Variants in DYNC1H1 observed in about 807,000 individuals in gnomAD.
DYNC1H1 encodes dynein cytoplasmic 1 heavy chain 1, also known as cytoplasmic dynein 1 heavy chain 1.
A neutral mutation model predicts 527.1 loss-of-function variants in DYNC1H1; 51 were observed. That is an observed-to-expected ratio of 0.10 (90% CI 0.08 to 0.12). The LOEUF is 0.12. DYNC1H1 is among the 10% of genes least tolerant of loss of function. The pLI is 1.00. For missense variants in DYNC1H1, 2,771 were observed against 5,971.8 expected (o/e 0.46, Z 17.66); for synonymous variants, 2,189 against 2,278.8 (o/e 0.96, Z 1.12).
At position 102,011,203 on chromosome 14, in the gene DYNC1H1, A is replaced by G. The variant is rs143190082; in HGVS notation, c.6618+251A>G. The G allele has an allele frequency of 2.3e-3, 1,206 of 534,916 alleles. 16 individuals carry two copies. The highest frequency in any genetic ancestry group is 0.02 in the African/African-American group (1,075 of 52,706). 33.1% of individuals were successfully genotyped at this position (534,916 alleles called of 1,614,324 possible). A position where few individuals can be genotyped will look rare whatever the true frequency, so the allele number is the denominator to read the frequency against. ...TTCTGAAAATGCTAAGTGCATGACT[A>G]TATTGGAAAGTTGTTTATACTGATA... On this transcript the variant is annotated intron_variant, in intron 32 of 77. Transcript: ENST00000360184. This position sits in a 1 kb window ranked among gnomAD's most constrained non-coding sequence, Gnocchi z 5.3.
In DYNC1H1 at chr14:102,002,426, TG is replaced by T. The variant is rs1304213943; in HGVS notation, c.4543-110del. The T allele has an allele frequency of 4.8e-5, 70 of 1,444,684 alleles. No homozygotes were observed. Among genetic ancestry groups the T allele is most frequent in the Non-Finnish European group, 6.0e-5 (62 of 1,032,226 alleles). The allele number at this position is 1,444,684 out of a possible 1,614,324, so 89.5% of individuals were successfully genotyped here. ...ACACCCGTCTACTTGTTGTTTAAAA[TG>T]TGAATCAGATTACTTCATGAGATCC... On this transcript the variant is annotated intron_variant, in intron 21 of 77. Transcript: ENST00000360184. This position sits in a 1 kb window ranked among gnomAD's most constrained non-coding sequence, Gnocchi z 4.4.
chr14:102,016,291 G>A lies in DYNC1H1; in HGVS notation c.7474-58G>A. 6.2e-7 allele frequency: 1 copy of A among 1,604,914 alleles called. No homozygotes were observed. The highest frequency in any genetic ancestry group is 8.5e-7 in the Non-Finnish European group (1 of 1,174,440). The stretch of plus-strand genomic sequence containing the variant: ...TCTTTAGGTTAACTTTGCTGTAAGT[G>A]TCTTTCTTTTGTTGTTGAAATTTTA... On this transcript the variant is annotated intron_variant, in intron 36 of 77. Transcript: ENST00000360184. The surrounding 1 kb of genome is among the most constrained non-coding windows in gnomAD (Gnocchi z 7.3).
At position 102,011,813 on chromosome 14, in the gene DYNC1H1, C is replaced by G. The variant is rs748296624; in HGVS notation, c.6619-62C>G. 2,433 of 1,538,222 alleles carry G rather than the reference C, an allele frequency of 1.6e-3. 5 individuals are homozygous for G. Among genetic ancestry groups the G allele is most frequent in the Middle Eastern group, 2.4e-3 (14 of 5,868 alleles). On this transcript the variant is annotated intron_variant, in intron 32 of 77. Transcript: ENST00000360184. The surrounding 1 kb of genome is among the most constrained non-coding windows in gnomAD (Gnocchi z 5.3). ...CTCACTTTCACAAGAGGTGGCTGGG[C>G]GAGGAGCTGTCCCCATTCCTCCTCT... is the stretch of plus-strand genomic sequence containing the variant.
chr14:101,986,214 G>A lies in DYNC1H1; in HGVS notation c.1989G>A (p.Lys663=), dbSNP rs1798168171. The change falls in exon 8 of 78, where the codon AAG becomes AAA. Residue 663 remains lysine (K), a synonymous_variant. Transcript: ENST00000360184. The surrounding 1 kb of genome is among the most constrained non-coding windows in gnomAD (Gnocchi z 8.7). Reference sequence around the variant, plus strand: ...ACAGGCAGCTGACGGCCTACATGAAGCGGGTGGAAGATGTCCTTGGCAAGG... The same window carrying A: ...ACAGGCAGCTGACGGCCTACATGAAACGGGTGGAAGATGTCCTTGGCAAGG... ...QIDRQLTAYM[K]RVEDVLGKGW... is the part of the protein sequence containing the mutation. The A allele has an allele frequency of 6.2e-7, 1 of 1,614,190 alleles. No homozygotes were observed. The highest frequency in any genetic ancestry group is 1.1e-5 in the South Asian group (1 of 91,086).
intron 72 of DYNC1H1, among the ~76,000 whole-genome samples, chr14:102,046,190 G>C (rs4381525): frequency 2.1e-4 from 32 of 151,768 alleles, no homozygotes; most frequent in African/African-American, 7.7e-4. Context: ...AAAGAAATGC[G>C]GGTTCCCAGG....
In DYNC1H1 at chr14:101,984,986, G is replaced by A. The variant is rs1273849814; in HGVS notation, c.1462-701G>A. ...AAAGAAATAGGGTTTCACCATGTTG[G>A]CCAGGCTGGTCTCGAGCTCCTGACC... On this transcript the variant is annotated intron_variant, in intron 7 of 77. Transcript: ENST00000360184. 2.0e-5 allele frequency among the ~76,000 whole-genome samples: 3 copies of A among 150,334 alleles called. No individual in the cohort carries two copies. The East Asian group carries it at 5.9e-4, about 30-fold the overall frequency.
intron 2 of DYNC1H1, among the ~76,000 whole-genome samples, chr14:101,976,686 C>T (rs2141267439): frequency 6.6e-6 from 1 of 152,220 alleles, no homozygotes; most frequent in Non-Finnish European, 1.5e-5. Context: ...GTTGCCATAT[C>T]ATGGCATCTA....
At chr14:101,993,782 T>C (rs1273929684) in intron 11 of DYNC1H1, among the ~76,000 whole-genome samples, 1 of 152,220 alleles carries the variant, frequency 6.6e-6, no homozygotes, top group African/African-American at 2.4e-5. Context: ...TCTCACCACC[T>C]GACATTCTGT....
chr14:101,977,109 T>G (rs1214965548), intron 2 of DYNC1H1, among the ~76,000 whole-genome samples: 1 of 152,228 alleles, frequency 6.6e-6, no homozygotes, highest in Non-Finnish European at 1.5e-5. Context: ...AGATAACTAG[T>G]AAACATTCTA....
chr14:102,015,704 C>T lies in DYNC1H1; in HGVS notation c.7243-152C>T, dbSNP rs988694177. 6 of 897,562 alleles carry T rather than the reference C, an allele frequency of 6.7e-6. No homozygotes were observed. Among genetic ancestry groups the T allele is most frequent in the African/African-American group, 1.6e-5 (1 of 60,672 alleles). 55.6% of individuals were successfully genotyped at this position (897,562 alleles called of 1,614,324 possible). On this transcript the variant is annotated intron_variant, in intron 35 of 77. Coordinates refer to ENST00000360184, the MANE Select transcript of DYNC1H1 (RefSeq NM_001376.5). The surrounding 1 kb of genome is among the most constrained non-coding windows in gnomAD (Gnocchi z 6.9). ...CCTGGGAAGCAGGGTTTTTGAGAAC[C>T]ACCAGGGTGAAGGAATGAGGACTGG... is the stretch of plus-strand genomic sequence containing the variant.
In DYNC1H1 at chr14:102,027,066, C is replaced by A. The variant is rs1413871258; in HGVS notation, c.8772-108C>A. The stretch of plus-strand genomic sequence containing the variant: ...AGTTGCTCAGCAAATGTTTAATATA[C>A]AAGTTCAAGTTAAAACATGTCCAAA... On this transcript the variant is annotated intron_variant, in intron 44 of 77. Transcript: ENST00000360184. This position sits in a 1 kb window ranked among gnomAD's most constrained non-coding sequence, Gnocchi z 7.7. 1.6e-6 allele frequency: 2 copies of A among 1,267,432 alleles called. No individual in the cohort carries two copies. Among genetic ancestry groups the A allele is most frequent in the Non-Finnish European group, 2.3e-6 (2 of 867,322 alleles). 78.5% of individuals were successfully genotyped at this position (1,267,432 alleles called of 1,614,324 possible).
rs778312298 is a variant in DYNC1H1 at position 102,012,485 on chromosome 14, G to C, written c.7014+15G>C. The C allele has an allele frequency of 4.3e-6, 7 of 1,614,154 alleles. No individual in the cohort carries two copies. In the South Asian group the frequency reaches 7.7e-5, roughly 18 times the overall value. On this transcript the variant is annotated intron_variant, in intron 34 of 77. Transcript: ENST00000360184. This position sits in a 1 kb window ranked among gnomAD's most constrained non-coding sequence, Gnocchi z 4.9. The stretch of plus-strand genomic sequence containing the variant: ...TTCCACCCAATGTAAGTAGCCTTTT[G>C]TATGTCGTCAACTGAATAATTCCTT...
chr14:101,994,140 T>A, intron 11 of DYNC1H1, 44 bp from the exon 12 acceptor site: 8 of 1,614,028 alleles, frequency 5.0e-6, no homozygotes, highest in Non-Finnish European at 6.8e-6. Flanking sequence ...AGATTACCAT[T>A]TTCATATACA....
intron 43 of DYNC1H1, among the ~76,000 whole-genome samples, chr14:102,025,347 G>C (rs956094247): frequency 6.6e-6 from 1 of 151,956 alleles, no homozygotes; most frequent in Non-Finnish European, 1.5e-5. Flanking sequence ...AGAGGTTGCA[G>C]TGAGCCGAGA....
chr14:102,012,818 T>C lies in DYNC1H1; in HGVS notation c.7014+348T>C, dbSNP rs567470091. ...AAATGAGAAATTTGGAATGGGGCTTTCTAGGCTGTCCCTTGGAAAATGAGT... is the reference window on the plus strand; with the variant it reads ...AAATGAGAAATTTGGAATGGGGCTTCCTAGGCTGTCCCTTGGAAAATGAGT... On this transcript the variant is annotated intron_variant, in intron 34 of 77. Coordinates refer to ENST00000360184, the MANE Select transcript of DYNC1H1 (RefSeq NM_001376.5). The surrounding 1 kb of genome is among the most constrained non-coding windows in gnomAD (Gnocchi z 4.9). The C allele has an allele frequency of 5.4e-6, 2 of 368,926 alleles. No homozygotes were observed. The highest frequency in any genetic ancestry group is 4.5e-5 in the South Asian group (2 of 44,422). The allele number at this position is 368,926 out of a possible 1,614,324, so 22.9% of individuals were successfully genotyped here.
intron 12 of DYNC1H1, 50 bp from the exon 13 acceptor site, chr14:101,994,623 C>T: frequency 1.2e-6 from 2 of 1,608,066 alleles, no homozygotes; most frequent in Non-Finnish European, 1.7e-6. Flanking sequence ...TGCCAGTATT[C>T]TACAAAATGA....
Position 101,965,039 on chromosome 14 carries a change from T to C in DYNC1H1, c.256+92T>C. ...TCCGGGGTCGCAGATGTCCCCGGGA[T>C]GGGAGGAGCCCGGCAGCTGCAGATG... is the stretch of plus-strand genomic sequence containing the variant. On this transcript the variant is annotated intron_variant, in intron 1 of 77. Transcript: ENST00000360184. This position sits in a 1 kb window ranked among gnomAD's most constrained non-coding sequence, Gnocchi z 4.1. 2 of 1,371,292 alleles carry C rather than the reference T, an allele frequency of 1.5e-6. No homozygotes were observed. The highest frequency in any genetic ancestry group is 2.0e-6 in the Non-Finnish European group (2 of 1,012,536). The allele number at this position is 1,371,292 out of a possible 1,614,324, so 84.9% of individuals were successfully genotyped here. A position where few individuals can be genotyped will look rare whatever the true frequency, so the allele number is the denominator to read the frequency against.
chr14:102,024,969 C>T (rs970798404), intron 43 of DYNC1H1, among the ~76,000 whole-genome samples: 1 of 151,160 alleles, frequency 6.6e-6, no homozygotes, highest in African/African-American at 2.4e-5. Context: ...GCTGGGATTA[C>T]AGGCATGAAC....
rs745536861 is a variant in DYNC1H1 at position 101,986,158 on chromosome 14, T to A, written c.1933T>A (p.Ser645Thr). 1 of 1,614,186 alleles carries A rather than the reference T, an allele frequency of 6.2e-7. No homozygotes were observed. The change falls in exon 8 of 78, where the codon TCA becomes ACA. Residue 645 changes from serine to threonine, a missense_variant. By Grantham distance (58) the Ser-to-Thr change is moderately conservative. Around this residue, in one of 32 missense-constraint regions of DYNC1H1, gnomAD observed 264 missense variants for 619.4 expected, o/e 0.43. Coordinates refer to ENST00000360184, the MANE Select transcript of DYNC1H1 (RefSeq NM_001376.5). The surrounding 1 kb of genome is among the most constrained non-coding windows in gnomAD (Gnocchi z 8.7). ...TCACGTTCGTGACTTGCCCCCTGTG[T>A]CAGGGTCTATCATCTGGGCTAAACA... is the stretch of plus-strand genomic sequence containing the variant. ...MSHVRDLPPV[S>T]GSIIWAKQID... is the part of the protein sequence containing the mutation.
Sources: gnomAD v4.1 joint callset for allele counts (sites outside exome capture counted in the v4.1 genomes callset) on GRCh38, gnomAD v4.1.1 for gene constraint, gnomAD v4.1.1 regional missense constraint, Gnocchi (gnomAD v3.1) non-coding constraint, MANE v1.5 for transcripts, NCBI Gene and HGNC (gene_info 2026-07-23, HGNC 2026-07-21) for gene names.